The following ZNF461 variants were observed in gnomAD, a reference collection of about 807,000 sequenced individuals.
ZNF461 encodes gonadotropin-inducible ovarian transcription factor-1.
A neutral mutation model predicts 18.3 loss-of-function variants in ZNF461; 16 were observed. The ratio of observed to expected loss-of-function variants is 0.88; its 90% CI spans 0.59 to 1.33. The LOEUF (loss-of-function observed/expected upper bound fraction) is 1.33, where lower values mean the gene tolerates loss of function less well. Ranked by LOEUF, ZNF461 falls within the 40% of genes most tolerant of loss-of-function variation. The probability of loss-of-function intolerance (pLI) is 0.00; values close to 1 mark genes in which losing one functional copy is unlikely to be tolerated. For synonymous variants in ZNF461, 179 were observed against 216.9 expected, an observed-to-expected ratio of 0.83 and a Z score of 1.54; for missense variants, 595 against 669.9, an observed-to-expected ratio of 0.89 and a Z score of 1.23.
chr19:36,659,451 T>G (rs1198665682), intron 2 of ZNF461, among the ~76,000 whole-genome samples: 4 of 152,192 alleles, frequency 2.6e-5, no homozygotes, highest in African/African-American at 9.7e-5. Context: ...AGCATAACAT[T>G]TTTAAGAGAC....
intron 2 of ZNF461, 91 bp downstream of exon 2, chr19:36,664,607 G>C: frequency 1.1e-6 from 1 of 914,262 alleles, no homozygotes; most frequent in Non-Finnish European, 1.6e-6. Flanking sequence ...AAAAAAAAAA[G>C]CAAATAGTCA....
intron 4 of ZNF461, among the ~76,000 whole-genome samples, chr19:36,651,939 C>T (rs1426164497): frequency 6.6e-6 from 1 of 152,132 alleles, no homozygotes; most frequent in Non-Finnish European, 1.5e-5. Flanking sequence ...TGTATAACTG[C>T]AGCCATCATG....
chr19:36,660,739 CA>C (rs1238273412), intron 2 of ZNF461, among the ~76,000 whole-genome samples: 1 of 147,786 alleles, frequency 6.8e-6, no homozygotes, highest in Non-Finnish European at 1.5e-5. Context: ...AAGAATTTGT[CA>C]CCAGAACACC....
rs2037393727 is a variant in ZNF461, at chr19:36,639,936, C to T, written c.409G>A (p.Glu137Lys). 6.2e-7 allele frequency: 1 copy of T among 1,613,844 alleles called. No individual in the cohort carries two copies. The highest frequency in any genetic ancestry group is 1.1e-5 in the South Asian group (1 of 91,078). ...CAGATAGCGCTGAAAATTGATCTCT[C>T]AGGACTATGGCTTTTAAATTCTTCC... ...NMEEFKSHSP[E>K]RSIFSAIWEG... The change falls in exon 6 of 6, where the codon GAG becomes AAG. Residue 137 changes from glutamate (E) to lysine (K), a missense_variant. Physicochemically the swap from Glu to Lys is moderately conservative, Grantham distance 56. Coordinates refer to ENST00000588268, the MANE Select transcript of ZNF461 (RefSeq NM_153257.5).
chr19:36,665,331 A>G (rs1023738827), intron 1 of ZNF461, among the ~76,000 whole-genome samples: 1 of 152,246 alleles, frequency 6.6e-6, no homozygotes, highest in Non-Finnish European at 1.5e-5. Context: ...TAAGAATTAA[A>G]GAAGAATCAT....
At chr19:36,650,326 T>C (rs1253220965) in intron 4 of ZNF461, among the ~76,000 whole-genome samples, 3 of 152,156 alleles carry the variant, frequency 2.0e-5, no homozygotes, top group Non-Finnish European at 4.4e-5. Context: ...TTCATACTTA[T>C]AACTTCAACA....
chr19:36,662,960 G>T (rs962197119), intron 2 of ZNF461, among the ~76,000 whole-genome samples: 2 of 152,036 alleles, frequency 1.3e-5, no homozygotes, highest in African/African-American at 4.8e-5. Flanking sequence ...TACTTGGCCT[G>T]GTTTGGACTG....
chr19:36,642,767 G>T lies in ZNF461; in HGVS notation c.301+1027C>A, dbSNP rs1027355062. On this transcript the variant is annotated intron_variant, in intron 5 of 5. Transcript: ENST00000588268. The stretch of plus-strand genomic sequence containing the variant: ...GTGTGTGTGTGTTTTTGGTGGGGGG[G>T]GGTGGGGCACAGAGTCTTGCTCTGT... Among the ~76,000 whole-genome samples the T allele has an allele frequency of 3.3e-5, 5 of 150,160 alleles. No homozygotes were observed. In the South Asian group the frequency reaches 1.1e-3, roughly 32 times the overall value.
chr19:36,653,933 T>C (rs763733794), intron 4 of ZNF461, among the ~76,000 whole-genome samples: 1 of 152,184 alleles, frequency 6.6e-6, no homozygotes, highest in Non-Finnish European at 1.5e-5. Context: ...TAAAACTGCA[T>C]AGAGCTATAA....
chr19:36,665,708 CAA>C (rs750223990), intron 1 of ZNF461, among the ~76,000 whole-genome samples: 6 of 77,858 alleles, frequency 7.7e-5, no homozygotes, highest in Non-Finnish European at 4.9e-5. Context: ...AACTTCGTCT[CAA>C]AAAAAAAAAA....
intron 4 of ZNF461, among the ~76,000 whole-genome samples, chr19:36,653,150 G>A (rs983571337): frequency 5.9e-5 from 9 of 152,070 alleles, no homozygotes; most frequent in South Asian, 2.1e-4. Flanking sequence ...AATGTAAGAC[G>A]GTACAAACAT....
chr19:36,640,247 AT>A, intron 5 of ZNF461: 1 of 487,942 alleles, frequency 2.0e-6, no homozygotes, highest in Non-Finnish European at 3.6e-6. Flanking sequence ...TGGTGCTGAA[AT>A]TTTGATCCAC....
chr19:36,652,810 C>T (rs1404298748), intron 4 of ZNF461, among the ~76,000 whole-genome samples: 1 of 152,082 alleles, frequency 6.6e-6, no homozygotes, highest in Non-Finnish European at 1.5e-5. Context: ...CAAAAAAAGA[C>T]AAATTACAGA....
chr19:36,648,152 C>A (rs538210256), intron 4 of ZNF461, among the ~76,000 whole-genome samples: 1 of 151,864 alleles, frequency 6.6e-6, no homozygotes, highest in Non-Finnish European at 1.5e-5. Context: ...GCTTTCCAGC[C>A]TGGACAACAA....
At chr19:36,643,722 G>A in intron 5 of ZNF461, 72 bp downstream of exon 5, 4 of 1,407,990 alleles carry the variant, frequency 2.8e-6, no homozygotes, top group South Asian at 1.6e-5. Context: ...GAATAAACAT[G>A]TACTTTCAGA....
intron 4 of ZNF461, among the ~76,000 whole-genome samples, chr19:36,651,718 T>C: frequency 6.6e-6 from 1 of 152,244 alleles, no homozygotes; most frequent in Non-Finnish European, 1.5e-5. Flanking sequence ...GCTGTGTTCA[T>C]GCTTTGGAAG....
chr19:36,661,753 C>T lies in ZNF461; in HGVS notation c.9+2945G>A, dbSNP rs1045064762. On this transcript the variant is annotated intron_variant, in intron 2 of 5. Transcript: ENST00000588268. ...ATCTTCAGGCTAAAGAGAAATGATA[C>T]AGGATGGAAACTCAGATCACAGGAA... is the stretch of plus-strand genomic sequence containing the variant. Among the ~76,000 whole-genome samples the T allele has an allele frequency of 2.0e-5, 3 of 152,028 alleles. No individual in the cohort carries two copies. In the East Asian group the frequency reaches 5.8e-4, roughly 29 times the overall value.
intron 3 of ZNF461, 46 bp downstream of exon 3, chr19:36,658,253 A>C: frequency 6.4e-7 from 1 of 1,559,230 alleles, no homozygotes; most frequent in Non-Finnish European, 8.7e-7. Flanking sequence ...GTGAATTGTT[A>C]GCGGAATTCT....
At chr19:36,648,357 G>A (rs2037565399) in intron 4 of ZNF461, among the ~76,000 whole-genome samples, 1 of 152,020 alleles carries the variant, frequency 6.6e-6, no homozygotes, top group African/African-American at 2.4e-5. Flanking sequence ...AGAACCATGA[G>A]CCAATTAAAC....
Sources: gnomAD v4.1 joint callset for allele counts (sites outside exome capture counted in the v4.1 genomes callset) on GRCh38, gnomAD v4.1.1 for gene constraint, MANE v1.5 for transcripts, NCBI Gene and HGNC (gene_info 2026-07-23, HGNC 2026-07-21) for gene names.